The following SLC7A13 variants were observed in gnomAD, a reference collection of about 807,000 sequenced individuals.
The protein encoded by SLC7A13 is X-amino acid transporter 2.
SLC7A13 carries 31 observed loss-of-function variants against 32.0 expected under a neutral mutation model. The ratio of observed to expected loss-of-function variants is 0.97; its 90% CI spans 0.73 to 1.31. SLC7A13 has a LOEUF of 1.31. Ranked by LOEUF, SLC7A13 falls within the 50% of genes most tolerant of loss-of-function variation. The probability of loss-of-function intolerance (pLI) is 0.00; values close to 1 mark genes in which losing one functional copy is unlikely to be tolerated. For synonymous variants in SLC7A13, 232 were observed against 206.9 expected, an observed-to-expected ratio of 1.12 and a Z score of -1.04; for missense variants, 633 against 546.9, an observed-to-expected ratio of 1.16 and a Z score of -1.57.
chr8:86,227,768 G>A (rs1820412781), intron 1 of SLC7A13, among the ~76,000 whole-genome samples: 1 of 152,148 alleles, frequency 6.6e-6, no homozygotes, highest in South Asian at 2.1e-4. Flanking sequence ...TAAAAAGAAT[G>A]AGATCATGTC....
intron 1 of SLC7A13, 131 bp from the exon 2 acceptor site, chr8:86,223,234 G>T: frequency 2.3e-6 from 2 of 856,164 alleles, no homozygotes; most frequent in East Asian, 3.1e-5. Flanking sequence ...TGGATAGGTT[G>T]TGTGGTGGTC....
At chr8:86,214,977 A>G (rs761477509) in intron 3 of SLC7A13, among the ~76,000 whole-genome samples, 2 of 152,176 alleles carry the variant, frequency 1.3e-5, no homozygotes, top group Non-Finnish European at 2.9e-5. Flanking sequence ...GCCCAATGGA[A>G]GTAACAACAA....
In SLC7A13 at chr8:86,223,065, T is replaced by C; in HGVS notation, c.724A>G (p.Ile242Val). ...KKPRTTIPKC[I>V]FTALPLVTVV... ...GTCACCAGAGGTAACGCAGTAAATA[T>C]GCATTTGGGAATTGTTGTTCTGGGC... Residue 242 changes from isoleucine (I) to valine (V), a missense_variant, in exon 2 of 4, where the codon ATA (isoleucine) becomes GTA (valine). Transcript: ENST00000297524. The C allele has an allele frequency of 6.2e-7, 1 of 1,606,844 alleles. No individual in the cohort carries two copies. The highest frequency in any genetic ancestry group is 8.5e-7 in the Non-Finnish European group (1 of 1,176,522).
chr8:86,230,118 C>T lies in SLC7A13; in HGVS notation c.160G>A (p.Ala54Thr), dbSNP rs1339757512. ...GTCATGGCCAGTATGGCACAGCCAG[C>T]CCAAACGCACAGGGAGACTCCCACG... The part of the protein sequence containing the change: ...MNVGVSLCVW[A>T]GCAILAMTST... The change falls in exon 1 of 4, where the codon GCT (alanine) becomes ACT (threonine). Residue 54 changes from alanine (A) to threonine (T), a missense_variant. Coordinates refer to ENST00000297524, the MANE Select transcript of SLC7A13 (RefSeq NM_138817.3). 17 of 1,614,154 alleles carry T rather than the reference C, an allele frequency of 1.1e-5. No individual in the cohort carries two copies. Among genetic ancestry groups the T allele is most frequent in the Non-Finnish European group, 1.4e-5 (16 of 1,180,026 alleles).
At chr8:86,218,747 C>T (rs1820238928) in intron 2 of SLC7A13, among the ~76,000 whole-genome samples, 1 of 151,698 alleles carries the variant, frequency 6.6e-6, no homozygotes, top group Non-Finnish European at 1.5e-5. Flanking sequence ...AGAAAAGCAT[C>T]CATTGTTTGT....
intron 1 of SLC7A13, 54 bp downstream of exon 1, chr8:86,229,539 A>G (rs1820445286): frequency 4.3e-6 from 6 of 1,393,470 alleles, no homozygotes; most frequent in Non-Finnish European, 5.9e-6. Context: ...TATGCATTTC[A>G]TATTGTATGC....
rs1286404485 is a variant in SLC7A13 at position 86,229,897 on chromosome 8, G to A, written c.381C>T (p.Cys127=). The stretch of plus-strand genomic sequence containing the variant: ...ATTTCTTAGGCAGCTTTGGGACAGA[G>A]CAGCTGGGAAAAAAAGGCTGGATGC... ...EYSIQPFFPS[C]SVPKLPKKCL... The change falls in exon 1 of 4, where the codon TGC becomes TGT. Residue 127 remains cysteine (C), a synonymous_variant. Coordinates refer to ENST00000297524, the MANE Select transcript of SLC7A13 (RefSeq NM_138817.3). The A allele has an allele frequency of 8.1e-6, 13 of 1,614,152 alleles. No individual in the cohort carries two copies. The highest frequency in any genetic ancestry group is 1.7e-5 in the Admixed American group (1 of 59,998).
At chr8:86,217,866 G>A in intron 2 of SLC7A13, 35 bp from the exon 3 acceptor site, 1 of 1,494,734 alleles carries the variant, frequency 6.7e-7, no homozygotes, top group Non-Finnish European at 8.9e-7. Context: ...AAGAAAATGT[G>A]TTAAAAGAGA....
At position 86,214,553 on chromosome 8, in the gene SLC7A13, C is replaced by T. The variant is rs760615851; in HGVS notation, c.1273G>A (p.Val425Met). 75 of 1,613,430 alleles carry T rather than the reference C, an allele frequency of 4.6e-5. No individual in the cohort carries two copies. Among genetic ancestry groups the T allele is most frequent in the Middle Eastern group, 1.6e-4 (1 of 6,080 alleles). The change falls in exon 4 of 4, where the codon GTG (valine) becomes ATG (methionine). Residue 425 changes from valine to methionine, a missense_variant. Coordinates refer to ENST00000297524, the MANE Select transcript of SLC7A13 (RefSeq NM_138817.3). The stretch of plus-strand genomic sequence containing the variant: ...AATCCGCTGAGAACTAACAGAAGCA[C>T]GTAGACATAATGCACATTTGGAGAC... The part of the protein sequence containing the change: ...VKSPNVHYVY[V>M]LLLVLSGLLF...
chr8:86,215,767 A>G, intron 3 of SLC7A13: 1 of 362,232 alleles, frequency 2.8e-6, no homozygotes, highest in South Asian at 2.0e-5. Flanking sequence ...TTATCATCTC[A>G]TGGCTCAGTA....
chr8:86,218,309 T>C (rs1289063546), intron 2 of SLC7A13, among the ~76,000 whole-genome samples: 1 of 152,130 alleles, frequency 6.6e-6, no homozygotes, highest in Non-Finnish European at 1.5e-5. Flanking sequence ...CTTTCCCACA[T>C]CATGGTGCAA....
At position 86,230,011 on chromosome 8, in the gene SLC7A13, G is replaced by A. The variant is rs1820457130; in HGVS notation, c.267C>T (p.Gly89=). 6.2e-7 allele frequency: 1 copy of A among 1,614,166 alleles called. No individual in the cohort carries two copies. Among genetic ancestry groups the A allele is most frequent in the South Asian group, 1.1e-5 (1 of 91,082 alleles). ...AGAGATTCAAAAAAGCAACCGTGGA[G>A]CCAAAGTATCTCTTGAGAAAATAGT... The part of the protein sequence containing the change: ...AQYYFLKRYF[G]STVAFLNLWT... Residue 89 remains glycine (G), a synonymous_variant, in exon 1 of 4, where the codon GGC becomes GGT. Transcript: ENST00000297524.
Position 86,228,558 on chromosome 8 carries a change from G to A in SLC7A13, c.685+1035C>T, listed in dbSNP as rs546761310. Among the ~76,000 whole-genome samples the A allele has an allele frequency of 9.5e-4, 145 of 152,150 alleles. 1 individual carries two copies. Among genetic ancestry groups the A allele is most frequent in the African/African-American group, 2.9e-3 (119 of 41,506 alleles). On this transcript the variant is annotated intron_variant, in intron 1 of 3. Transcript: ENST00000297524. ...TCAGATAATTTTTTAAGAAATCTGA[G>A]GAGGTGGGCAGGTGCAGTGGCTCAC...
intron 1 of SLC7A13, among the ~76,000 whole-genome samples, chr8:86,223,381 T>A (rs1820337414): frequency 6.6e-6 from 1 of 152,182 alleles, no homozygotes; most frequent in Admixed American, 6.5e-5. Context: ...CATCCATAAG[T>A]ACACATTTTG....
In SLC7A13 at chr8:86,229,617, C is replaced by T. The variant is rs756543630; in HGVS notation, c.661G>A (p.Gly221Arg). Residue 221 changes from glycine to arginine, a missense_variant, in exon 1 of 4, where the codon GGG (glycine) becomes AGG (arginine). Transcript: ENST00000297524. ...CCTGCTATAAGTGTAAAGCATGCCC[C>T]GCCTGAATATGCAAAATATCCTTGG... ...IFQGYFAYSG[G>R]ACFTLIAGEL... is the part of the protein sequence containing the mutation. The T allele has an allele frequency of 1.4e-5, 22 of 1,613,616 alleles. No individual in the cohort carries two copies. The highest frequency in any genetic ancestry group is 1.9e-5 in the Non-Finnish European group (22 of 1,179,926).
intron 2 of SLC7A13, 125 bp from the exon 3 acceptor site, chr8:86,217,956 AT>A: frequency 9.3e-7 from 1 of 1,073,306 alleles, no homozygotes; most frequent in Non-Finnish European, 1.3e-6. Context: ...AGTTTGCTTA[AT>A]TTTATCATTT....
At position 86,214,565 on chromosome 8, in the gene SLC7A13, G is replaced by C. The variant is rs1363610596; in HGVS notation, c.1261C>G (p.His421Asp). 1 of 1,613,716 alleles carries C rather than the reference G, an allele frequency of 6.2e-7. No homozygotes were observed. The highest frequency in any genetic ancestry group is 8.5e-7 in the Non-Finnish European group (1 of 1,179,800). ...ACTAACAGAAGCACGTAGACATAAT[G>C]CACATTTGGAGACTTTACCAATGGT... ...VIPLVKSPNV[H>D]YVYVLLLVLS... The change falls in exon 4 of 4, where the codon CAT becomes GAT. Residue 421 changes from histidine to aspartate, a missense_variant. Coordinates refer to ENST00000297524, the MANE Select transcript of SLC7A13 (RefSeq NM_138817.3).
Position 86,228,584 on chromosome 8 carries a change from G to A in SLC7A13, c.685+1009C>T, listed in dbSNP as rs552446498. On this transcript the variant is annotated intron_variant, in intron 1 of 3. Transcript: ENST00000297524. ...GAGGTGGGCAGGTGCAGTGGCTCACGCTTGTAATCCCAGCACTTTCGGAGG... is the reference window on the plus strand; with the variant it reads ...GAGGTGGGCAGGTGCAGTGGCTCACACTTGTAATCCCAGCACTTTCGGAGG... Among the ~76,000 whole-genome samples the A allele has an allele frequency of 5.3e-5, 8 of 152,180 alleles. No homozygotes were observed. In the East Asian group the frequency reaches 9.7e-4, roughly 18 times the overall value.
chr8:86,221,091 A>G (rs1451008474), intron 2 of SLC7A13, among the ~76,000 whole-genome samples: 1 of 152,164 alleles, frequency 6.6e-6, no homozygotes, highest in Admixed American at 6.6e-5. Context: ...AGTGCAAACA[A>G]TAAAGTAAAA....
Sources: allele counts gnomAD v4.1 joint callset (sites outside exome capture counted in the v4.1 genomes callset), GRCh38; gene constraint gnomAD v4.1.1; transcripts MANE v1.5; gene names NCBI Gene and HGNC (gene_info 2026-07-23, HGNC 2026-07-21).